The following CMIP variants were observed in gnomAD, a reference collection of about 807,000 sequenced individuals.
CMIP encodes c-Maf inducing protein.
In CMIP, 13 loss-of-function variants were observed where a neutral mutation model predicts 97.3. That is an observed-to-expected ratio of 0.13 (90% CI 0.09 to 0.21). The LOEUF is 0.21. CMIP is among the 10% of genes least tolerant of loss of function. CMIP has a pLI of 1.00. For synonymous variants in CMIP, 538 were observed against 436.3 expected (o/e 1.23, Z -2.91); for missense variants, 847 against 1,024.9 (o/e 0.83, Z 2.37).
chr16:81,510,871 C>G (rs560162976), intron 1 of CMIP, among the ~76,000 whole-genome samples: 7 of 152,252 alleles, frequency 4.6e-5, no homozygotes, highest in Non-Finnish European at 8.8e-5. Context: ...AGGTGCATGC[C>G]ACCTTGCCCA....
chr16:81,502,988 G>T (rs1184227786), intron 1 of CMIP, among the ~76,000 whole-genome samples: 1 of 152,146 alleles, frequency 6.6e-6, no homozygotes, highest in Non-Finnish European at 1.5e-5. Flanking sequence ...GCGTGATGTC[G>T]TGGGATGTGG....
chr16:81,701,935 G>T, intron 16 of CMIP, 135 bp downstream of exon 16: 1 of 1,061,280 alleles, frequency 9.4e-7, no homozygotes, highest in East Asian at 2.5e-5. Flanking sequence ...CCCAGAAATT[G>T]GTATTACCAC....
chr16:81,568,874 A>G (rs556536067), intron 1 of CMIP, among the ~76,000 whole-genome samples: 16 of 152,328 alleles, frequency 1.1e-4, no homozygotes, highest in Middle Eastern at 3.4e-3. Flanking sequence ...TGAAGGGTTA[A>G]ATGACCTTAA....
chr16:81,538,306 C>A (rs902863299), intron 1 of CMIP, among the ~76,000 whole-genome samples: 1 of 152,136 alleles, frequency 6.6e-6, no homozygotes, highest in East Asian at 1.9e-4. Flanking sequence ...AGGCGGCCCC[C>A]GGCGGTGGCT....
intron 1 of CMIP, among the ~76,000 whole-genome samples, chr16:81,503,805 T>C (rs942172659): frequency 6.6e-6 from 1 of 152,226 alleles, no homozygotes. Context: ...CTGAACCCCA[T>C]GGCACCCCTC....
At chr16:81,691,927 G>T in intron 11 of CMIP, 87 bp downstream of exon 11, 1 of 1,190,360 alleles carries the variant, frequency 8.4e-7, no homozygotes, top group Non-Finnish European at 1.2e-6. Flanking sequence ...GGCCAGTCAT[G>T]TTATGGGGAA....
chr16:81,552,986 G>T (rs1279450862), intron 1 of CMIP, among the ~76,000 whole-genome samples: 1 of 152,208 alleles, frequency 6.6e-6, no homozygotes, highest in African/African-American at 2.4e-5. Flanking sequence ...CTCCCTGGGG[G>T]ACAGGAAAGT....
At chr16:81,707,363 C>A (rs998026956) in intron 20 of CMIP, among the ~76,000 whole-genome samples, 3 of 152,110 alleles carry the variant, frequency 2.0e-5, no homozygotes, top group Non-Finnish European at 2.9e-5. Flanking sequence ...GCCAGAAATA[C>A]CAAGGGCGAG....
At chr16:81,668,437 G>T (rs2092634761) in intron 7 of CMIP, among the ~76,000 whole-genome samples, 1 of 152,176 alleles carries the variant, frequency 6.6e-6, no homozygotes, top group African/African-American at 2.4e-5. Flanking sequence ...CCCCCCACTG[G>T]GCTGGGCGCC....
intron 1 of CMIP, among the ~76,000 whole-genome samples, chr16:81,602,737 G>C (rs982510454): frequency 4.6e-5 from 7 of 152,202 alleles, no homozygotes; most frequent in African/African-American, 1.7e-4. Context: ...TGTTCTCTTA[G>C]CTGTACATCT....
chr16:81,514,501 T>C lies in CMIP; in HGVS notation c.300+68960T>C, dbSNP rs77201353. ...CCTTAGACAAGTGGTTTGCGCTCAC[T>C]GAGCCTCCATTCTTCATCTGCAAAA... On this transcript the variant is annotated intron_variant, in intron 1 of 20. Transcript: ENST00000537098. 8.6e-3 allele frequency among the ~76,000 whole-genome samples: 1,306 copies of C among 152,332 alleles called. 22 individuals carry two copies. Among genetic ancestry groups the C allele is most frequent in the African/African-American group, 0.03 (1,243 of 41,560 alleles).
At chr16:81,517,727 G>C (rs1159478288) in intron 1 of CMIP, 1 of 153,004 alleles carries the variant, frequency 6.5e-6, no homozygotes, top group Admixed American at 6.5e-5. Flanking sequence ...CAATGCCAGG[G>C]AAGTGGGAAA....
At chr16:81,463,798 C>G (rs575398214) in intron 1 of CMIP, 2 of 152,372 alleles carry the variant, frequency 1.3e-5, no homozygotes, top group African/African-American at 2.4e-5. Context: ...CAGGCCGACT[C>G]GAGCTCGTGT....
At chr16:81,650,493 G>A (rs890759785) in intron 3 of CMIP, among the ~76,000 whole-genome samples, 1 of 151,932 alleles carries the variant, frequency 6.6e-6, no homozygotes, top group Non-Finnish European at 1.5e-5. Flanking sequence ...TGGGCGGGGG[G>A]AATGAAAACC....
intron 3 of CMIP, among the ~76,000 whole-genome samples, chr16:81,646,637 C>T (rs550741351): frequency 1.3e-5 from 2 of 152,324 alleles, no homozygotes; most frequent in South Asian, 4.1e-4. Flanking sequence ...TTTGCAGTCT[C>T]ATTCCTGTTC....
intron 1 of CMIP, among the ~76,000 whole-genome samples, chr16:81,488,811 G>C (rs71400160): frequency 3.3e-5 from 5 of 152,110 alleles, no homozygotes; most frequent in Admixed American, 2.0e-4. Flanking sequence ...TCTGGAAGAC[G>C]GGGAGAGAAT....
intron 17 of CMIP, among the ~76,000 whole-genome samples, chr16:81,703,539 A>T (rs1907657708): frequency 1.3e-5 from 2 of 151,974 alleles, no homozygotes. Flanking sequence ...AGACACACAC[A>T]TGTACAGACA....
rs141478719 is a variant in CMIP at position 81,505,486 on chromosome 16, C to G, written c.300+59945C>G. Among the ~76,000 whole-genome samples the G allele has an allele frequency of 6.9e-3, 1,050 of 152,348 alleles. 6 individuals carry two copies. Among genetic ancestry groups the G allele is most frequent in the African/African-American group, 0.024 (1,013 of 41,586 alleles). On this transcript the variant is annotated intron_variant, in intron 1 of 20. Transcript: ENST00000537098. Reference sequence around the variant, plus strand: ...GGGTCTGTGAGCCCCAGAGCCTCAGCTGGGACCTGCTGGGCCGAGTTTCTG... The same window carrying G: ...GGGTCTGTGAGCCCCAGAGCCTCAGGTGGGACCTGCTGGGCCGAGTTTCTG...
chr16:81,626,845 A>AGTGT (rs139476724), intron 3 of CMIP, among the ~76,000 whole-genome samples: 1 of 101,600 alleles, frequency 9.8e-6, no homozygotes, highest in Non-Finnish European at 1.9e-5. Context: ...CTATTTTATG[A>AGTGT]GTGTGTGTGT....
Sources: gnomAD v4.1 joint callset for allele counts (sites outside exome capture counted in the v4.1 genomes callset) on GRCh38, gnomAD v4.1.1 for gene constraint, MANE v1.5 for transcripts, NCBI Gene and HGNC (gene_info 2026-07-23, HGNC 2026-07-21) for gene names.